BRSK1: variants seen among roughly 807,000 people sequenced by gnomAD.
The protein encoded by BRSK1 is BR serine/threonine kinase 1.
A neutral mutation model predicts 86.2 loss-of-function variants in BRSK1; 17 were observed. The ratio of observed to expected loss-of-function variants is 0.20; its 90% confidence interval spans 0.14 to 0.30. The LOEUF (loss-of-function observed/expected upper bound fraction) is 0.30. BRSK1 is among the 10% of genes least tolerant of loss of function. The pLI, the probability that BRSK1 is intolerant of heterozygous loss-of-function variation, is 1.00. For synonymous variants in BRSK1, 464 were observed against 440.1 expected (o/e 1.05, Z -0.68); for missense variants, 719 against 1,071.9 (o/e 0.67, Z 4.60).
chr19:55,285,811 G>A (rs1261877770), intron 1 of BRSK1, among the ~76,000 whole-genome samples: 1 of 152,142 alleles, frequency 6.6e-6, no homozygotes, highest in Non-Finnish European at 1.5e-5. Context: ...AGTGGGGACC[G>A]ACTGGGCCGT....
rs1056896629 is a variant in BRSK1 at position 55,306,907 on chromosome 19, T to C, written c.2089+457T>C. 6.6e-6 allele frequency among the ~76,000 whole-genome samples: 1 copy of C among 152,186 alleles called. No homozygotes were observed. The highest frequency in any genetic ancestry group is 1.5e-5 in the Non-Finnish European group (1 of 68,038). On this transcript the variant is annotated intron_variant, in intron 17 of 18. Transcript: ENST00000309383. The surrounding 1 kb of genome is among the most constrained non-coding windows in gnomAD (Gnocchi z 4.7). The stretch of plus-strand genomic sequence containing the variant: ...GGTGAAGACACAGCACACTGCTGTC[T>C]AATATCAGTCTGCCCAGAGCAGACA...
At position 55,294,891 on chromosome 19, in the gene BRSK1, G is replaced by A. The variant is rs574598140; in HGVS notation, c.678+494G>A. Among the ~76,000 whole-genome samples the A allele has an allele frequency of 1.0e-4, 15 of 149,394 alleles. No homozygotes were observed. The highest frequency in any genetic ancestry group is 2.0e-4 in the East Asian group (1 of 4,928). ...GTCTTGGCTCACTGCAACCTACGCCGCCCGGGTTCAAGCTATTCTCCTGCC... is the reference window on the plus strand; with the variant it reads ...GTCTTGGCTCACTGCAACCTACGCCACCCGGGTTCAAGCTATTCTCCTGCC... On this transcript the variant is annotated intron_variant, in intron 7 of 18. Transcript: ENST00000309383. This position sits in a 1 kb window ranked among gnomAD's most constrained non-coding sequence, Gnocchi z 4.9.
In BRSK1 at chr19:55,303,469, CG is replaced by C. The variant is rs1032006377; in HGVS notation, c.1126+65del. ...TCTCGAGATTGGAAGAGGCTGGCCA[CG>C]GGGACCCCAGATTCCCAAGGAAAGA... On this transcript the variant is annotated intron_variant, in intron 11 of 18. Transcript: ENST00000309383. This position sits in a 1 kb window ranked among gnomAD's most constrained non-coding sequence, Gnocchi z 5.1. 1.9e-6 allele frequency: 3 copies of C among 1,558,124 alleles called. No homozygotes were observed. Among genetic ancestry groups the C allele is most frequent in the Non-Finnish European group, 1.8e-6 (2 of 1,130,806 alleles).
At chr19:55,293,853 T>C (rs957246488) in intron 4 of BRSK1, among the ~76,000 whole-genome samples, 164 bp from the exon 5 acceptor site, 1 of 151,958 alleles carries the variant, frequency 6.6e-6, no homozygotes, top group African/African-American at 2.4e-5. Flanking sequence ...GATAAAAAAT[T>C]AAAAATTTTT....
intron 17 of BRSK1, among the ~76,000 whole-genome samples, chr19:55,307,370 T>C (rs1010394410): frequency 6.6e-6 from 1 of 151,460 alleles, no homozygotes; most frequent in Non-Finnish European, 1.5e-5. Flanking sequence ...GCCAACATGG[T>C]GAAACCTGTC....
intron 8 of BRSK1, 142 bp from the exon 9 acceptor site, chr19:55,301,995 G>A (rs1450243656): frequency 2.0e-6 from 2 of 1,024,968 alleles, no homozygotes; most frequent in Non-Finnish European, 3.1e-6. Context: ...GCCACTAGAG[G>A]GCGATGTAAT....
intron 3 of BRSK1, among the ~76,000 whole-genome samples, chr19:55,288,358 T>C (rs2088352174): frequency 6.6e-6 from 1 of 151,300 alleles, no homozygotes; most frequent in African/African-American, 2.4e-5. Flanking sequence ...CCTGTAGTCC[T>C]ACCTACTTGG....
rs1248341326 is a variant in BRSK1 at position 55,301,678 on chromosome 19, G to A, written c.825+20G>A. 6.2e-7 allele frequency: 1 copy of A among 1,606,502 alleles called. No homozygotes were observed. Among genetic ancestry groups the A allele is most frequent in the Non-Finnish European group, 8.5e-7 (1 of 1,176,156 alleles). ...CTCAGTGTGAGTTGAGGGGGGGACC[G>A]GCGGAGGGGGGAACAGTGGCCGATG... On this transcript the variant is annotated intron_variant, in intron 8 of 18. Transcript: ENST00000309383.
chr19:55,291,191 C>T (rs1317686557), intron 4 of BRSK1, among the ~76,000 whole-genome samples: 1 of 151,538 alleles, frequency 6.6e-6, no homozygotes, highest in African/African-American at 2.4e-5. Context: ...TTGTCTCAAA[C>T]TCCTGGGCTC....
chr19:55,296,869 A>T (rs2088496877), intron 7 of BRSK1, among the ~76,000 whole-genome samples: 1 of 151,414 alleles, frequency 6.6e-6, no homozygotes, highest in South Asian at 2.1e-4. Flanking sequence ...AAAAAAAATT[A>T]GCCAGGCATG....
chr19:55,305,152 A>G (rs374640817), intron 14 of BRSK1, among the ~76,000 whole-genome samples, 169 bp from the exon 15 acceptor site: 79 of 152,178 alleles, frequency 5.2e-4, no homozygotes, highest in African/African-American at 1.7e-3. Flanking sequence ...GGGGCTCTGG[A>G]TTACCTCCCA....
Position 55,291,562 on chromosome 19 carries a change from C to T in BRSK1, c.458+1942C>T, listed in dbSNP as rs149497163. On this transcript the variant is annotated intron_variant, in intron 4 of 18. Transcript: ENST00000309383. Reference sequence around the variant, plus strand: ...TTTTCATTGAATTGACTTTAGCCTCCAAATCAGATATTAAATGTGCAACGT... The same window carrying T: ...TTTTCATTGAATTGACTTTAGCCTCTAAATCAGATATTAAATGTGCAACGT... 1.6e-4 allele frequency among the ~76,000 whole-genome samples: 24 copies of T among 152,194 alleles called. No individual in the cohort carries two copies. In the East Asian group the frequency reaches 4.6e-3, roughly 29 times the overall value.
At chr19:55,297,386 T>C (rs1053929157) in intron 7 of BRSK1, among the ~76,000 whole-genome samples, 11 of 152,148 alleles carry the variant, frequency 7.2e-5, no homozygotes, top group African/African-American at 2.4e-4. Flanking sequence ...TTTTTTAATG[T>C]CAGGCACTGT....
intron 3 of BRSK1, among the ~76,000 whole-genome samples, chr19:55,288,481 A>T: frequency 6.6e-6 from 1 of 151,456 alleles, no homozygotes; most frequent in African/African-American, 2.4e-5. Context: ...CTCAAAAAAA[A>T]AAAAAAAAAA....
intron 17 of BRSK1, among the ~76,000 whole-genome samples, chr19:55,307,713 G>C (rs974649525): frequency 7.0e-6 from 1 of 141,926 alleles, no homozygotes; most frequent in African/African-American, 2.7e-5. Context: ...CAACATAATG[G>C]ACCTCATCTC....
intron 7 of BRSK1, among the ~76,000 whole-genome samples, chr19:55,295,511 CT>C (rs1214944035): frequency 6.6e-6 from 1 of 152,188 alleles, no homozygotes; most frequent in African/African-American, 2.4e-5. Context: ...CTGTGGGGAG[CT>C]AACCTTTTCA....
At chr19:55,288,361 C>G (rs1473753304) in intron 3 of BRSK1, among the ~76,000 whole-genome samples, 4 of 151,280 alleles carry the variant, frequency 2.6e-5, no homozygotes, top group African/African-American at 7.3e-5. Flanking sequence ...GTAGTCCTAC[C>G]TACTTGGGAG....
At position 55,287,977 on chromosome 19, in the gene BRSK1, T is replaced by A. The variant is rs957403446; in HGVS notation, c.317+678T>A. 3 of 155,112 alleles carry A rather than the reference T, an allele frequency of 1.9e-5. No individual in the cohort carries two copies. The highest frequency in any genetic ancestry group is 7.2e-5 in the African/African-American group (3 of 41,432). 9.6% of individuals were successfully genotyped at this position (155,112 alleles called of 1,614,324 possible). On this transcript the variant is annotated intron_variant, in intron 3 of 18. Coordinates refer to ENST00000309383, the MANE Select transcript of BRSK1 (RefSeq NM_032430.2). The surrounding 1 kb of genome is among the most constrained non-coding windows in gnomAD (Gnocchi z 5.3). ...CCCGGATGAACTGACATCAGGTCCG[T>A]CGATGCTGGCGCAGGTTTCACCACA...
chr19:55,297,724 A>C (rs1003635388), intron 7 of BRSK1, among the ~76,000 whole-genome samples: 7 of 152,242 alleles, frequency 4.6e-5, no homozygotes, highest in Non-Finnish European at 8.8e-5. Flanking sequence ...TGAGCGAGCC[A>C]GTCACCCTAC....
Sources: gnomAD v4.1 joint callset for allele counts (sites outside exome capture counted in the v4.1 genomes callset) on GRCh38, gnomAD v4.1.1 for gene constraint, Gnocchi (gnomAD v3.1) non-coding constraint, MANE v1.5 for transcripts, NCBI Gene and HGNC (gene_info 2026-07-23, HGNC 2026-07-21) for gene names.